FMO4: variants seen among roughly 807,000 people sequenced by gnomAD.
FMO4 encodes flavin containing dimethylaniline monoxygenase 4, also known as dimethylaniline monooxygenase [N-oxide-forming] 4.
In FMO4, 38 loss-of-function variants were observed where a neutral mutation model predicts 43.3. The ratio of observed to expected loss-of-function variants is 0.88; its 90% CI spans 0.68 to 1.15. The LOEUF (loss-of-function observed/expected upper bound fraction) is 1.15, where lower values mean the gene tolerates loss of function less well. Among genes scored for constraint, FMO4 ranks in the 50% most tolerant of loss-of-function variants. The pLI is 0.00. For synonymous variants in FMO4, 224 were observed against 232.2 expected (o/e 0.96, Z 0.32); for missense variants, 631 against 663.3 (o/e 0.95, Z 0.54).
Position 171,332,731 on chromosome 1 carries a change from G to A in FMO4, c.650G>A (p.Gly217Asp). ...AAQVLLSTRT[G>D]TWVLGRSSDW... ...TAGGTACTTCTCAGTACTAGAACTG[G>A]TACCTGGGTTCTTGGGCGCTCTTCA... Residue 217 changes from glycine to aspartate, a missense_variant, in exon 7 of 10, where the codon GGT becomes GAT. By Grantham distance (94) the Gly-to-Asp change is moderately conservative (BLOSUM62 -1). Coordinates refer to ENST00000367749, the MANE Select transcript of FMO4 (RefSeq NM_002022.3). 3 of 1,609,722 alleles carry A rather than the reference G, an allele frequency of 1.9e-6. No homozygotes were observed. Among genetic ancestry groups the A allele is most frequent in the Non-Finnish European group, 2.6e-6 (3 of 1,176,248 alleles).
At chr1:171,321,551 G>A (rs1005233069) in intron 3 of FMO4, among the ~76,000 whole-genome samples, 8 of 152,080 alleles carry the variant, frequency 5.3e-5, no homozygotes, top group African/African-American at 1.7e-4. Context: ...GAATAATCAC[G>A]AGGAAAGAAA....
chr1:171,324,212 G>A lies in FMO4; in HGVS notation c.396G>A (p.Glu132=), dbSNP rs952652080. The A allele has an allele frequency of 6.2e-7, 1 of 1,613,820 alleles. No individual in the cohort carries two copies. The highest frequency in any genetic ancestry group is 1.1e-5 in the South Asian group (1 of 91,050). Residue 132 remains glutamate (E), a synonymous_variant, in exon 5 of 10, where the codon GAG becomes GAA. Coordinates refer to ENST00000367749, the MANE Select transcript of FMO4 (RefSeq NM_002022.3). ...AGTGGGATGTTGTCACAGAGACAGA[G>A]GGCAAGCAAAATAGAGCTGTCTTTG... The part of the protein sequence containing the change: ...TGQWDVVTET[E]GKQNRAVFDA...
At chr1:171,324,940 T>A (rs894310138) in intron 5 of FMO4, among the ~76,000 whole-genome samples, 1 of 152,112 alleles carries the variant, frequency 6.6e-6, no homozygotes, top group Admixed American at 6.6e-5. Context: ...AAACCCTGTC[T>A]TTACTAAAAA....
rs760882834 is a variant in FMO4 at position 171,323,061 on chromosome 1, A to G, written c.190A>G (p.Lys64Glu). 6.2e-7 allele frequency: 1 copy of G among 1,613,364 alleles called. No homozygotes were observed. The highest frequency in any genetic ancestry group is 1.1e-5 in the South Asian group (1 of 91,052). The stretch of plus-strand genomic sequence containing the variant: ...TAAGTCATTAGTGACAAATGTCTGT[A>G]AGGAAATGTCATGTTACAGTGACTT... The part of the protein sequence containing the change: ...VYKSLVTNVC[K>E]EMSCYSDFPF... Residue 64 changes from lysine (K) to glutamate (E), a missense_variant, in exon 4 of 10, where the codon AAG (lysine) becomes GAG (glutamate). By Grantham distance (56) the Lys-to-Glu change is moderately conservative (BLOSUM62 1). Transcript: ENST00000367749.
At chr1:171,329,706 C>G (rs1662820036) in intron 5 of FMO4, among the ~76,000 whole-genome samples, 1 of 152,196 alleles carries the variant, frequency 6.6e-6, no homozygotes, top group African/African-American at 2.4e-5. Flanking sequence ...AAAAATGCCA[C>G]AATTCCTGTC....
chr1:171,319,961 C>G lies in FMO4; in HGVS notation c.132+4C>G. The G allele has an allele frequency of 1.9e-6, 3 of 1,613,602 alleles. No individual in the cohort carries two copies. The South Asian group carries it at 3.3e-5, about 18-fold the overall frequency. ...TGGGGGATTATGGAAGTTTACTGTA[C>G]GTGGTTCATCTCTATCAGTCATGAT... On this transcript the variant is annotated splice_donor_region_variant and intron_variant, in intron 3 of 9. Transcript: ENST00000367749.
chr1:171,337,107 G>A lies in FMO4; in HGVS notation c.1181-249G>A, dbSNP rs1404729736. On this transcript the variant is annotated intron_variant, in intron 8 of 9. Coordinates refer to ENST00000367749, the MANE Select transcript of FMO4 (RefSeq NM_002022.3). Reference sequence around the variant, plus strand: ...GGTGCAGGTGTCTGGTGAGTGTGGCGCAGGCTGACAGCTGGGCCATAGAGG... The same window carrying A: ...GGTGCAGGTGTCTGGTGAGTGTGGCACAGGCTGACAGCTGGGCCATAGAGG... Among the ~76,000 whole-genome samples, 3 of 152,092 alleles carry A rather than the reference G, an allele frequency of 2.0e-5. No individual in the cohort carries two copies. The East Asian group carries it at 5.8e-4, about 29-fold the overall frequency.
chr1:171,323,338 C>A, intron 4 of FMO4, 146 bp downstream of exon 4: 3 of 617,256 alleles, frequency 4.9e-6, no homozygotes, highest in Non-Finnish European at 8.5e-6. Context: ...ACTTCCGCTG[C>A]TGCTCAAGTT....
At position 171,334,618 on chromosome 1, in the gene FMO4, T is replaced by TAC. The variant is rs1663040015; in HGVS notation, c.1037_1038dup (p.Lys347GlnfsTer13). The TAC allele has an allele frequency of 2.5e-6, 4 of 1,613,316 alleles. No homozygotes were observed. Among genetic ancestry groups the TAC allele is most frequent in the Middle Eastern group, 3.3e-4 (2 of 6,056 alleles). On this transcript the variant is annotated frameshift_variant, in exon 8 of 10. Coordinates refer to ENST00000367749, the MANE Select transcript of FMO4 (RefSeq NM_002022.3). LOFTEE classifies it high-confidence loss of function. ...TTGAAGAACCTCTTAAAAGCCTCTG[T>TAC]ACAAAGAAGATATTTCTATACAAGC...
intron 2 of FMO4, among the ~76,000 whole-genome samples, chr1:171,317,548 C>T (rs185378742): frequency 3.6e-4 from 55 of 152,240 alleles, no homozygotes; most frequent in African/African-American, 1.3e-3. Context: ...TTGATTGAGG[C>T]AAAAGCAATG....
At chr1:171,335,401 T>C (rs1317887110) in intron 8 of FMO4, among the ~76,000 whole-genome samples, 1 of 152,222 alleles carries the variant, frequency 6.6e-6, no homozygotes, top group African/African-American at 2.4e-5. Flanking sequence ...ACTTGACATA[T>C]AACTAACGCG....
chr1:171,324,417 C>T, intron 5 of FMO4, 117 bp downstream of exon 5: 1 of 748,730 alleles, frequency 1.3e-6, no homozygotes, highest in Non-Finnish European at 2.1e-6. Flanking sequence ...TATTCATTCT[C>T]AAAAATAATA....
intron 5 of FMO4, among the ~76,000 whole-genome samples, chr1:171,329,727 T>C (rs1315746499): frequency 6.6e-6 from 1 of 152,114 alleles, no homozygotes; most frequent in Non-Finnish European, 1.5e-5. Flanking sequence ...AATTTCCAAC[T>C]CCTAGCCACT....
Position 171,323,152 on chromosome 1 carries a change from T to C in FMO4, c.281T>C (p.Phe94Ser). ...HEKFWDYLQE[F>S]AEHFDLLKYI... ...AAATTTTGGGACTATCTCCAAGAAT[T>C]TGCTGAGCACTTTGACCTCCTGAAA... is the stretch of plus-strand genomic sequence containing the variant. Residue 94 changes from phenylalanine to serine, a missense_variant, in exon 4 of 10, where the codon TTT (phenylalanine) becomes TCT (serine). Coordinates refer to ENST00000367749, the MANE Select transcript of FMO4 (RefSeq NM_002022.3). 1 of 1,613,802 alleles carries C rather than the reference T, an allele frequency of 6.2e-7. No homozygotes were observed. The highest frequency in any genetic ancestry group is 8.5e-7 in the Non-Finnish European group (1 of 1,179,786).
intron 7 of FMO4, 63 bp from the exon 8 acceptor site, chr1:171,334,348 A>G: frequency 4.7e-6 from 5 of 1,060,520 alleles, no homozygotes; most frequent in Non-Finnish European, 6.8e-6. Flanking sequence ...GGCTAAGTAA[A>G]TCATTTGCTG....
At chr1:171,336,753 GCCACCACA>G (rs943792457) in intron 8 of FMO4, among the ~76,000 whole-genome samples, 1 of 152,016 alleles carries the variant, frequency 6.6e-6, no homozygotes, top group African/African-American at 2.4e-5. Flanking sequence ...ATAAGCCCAT[GCCACCACA>G]CCTGGCTAAA....
intron 5 of FMO4, 53 bp downstream of exon 5, chr1:171,324,353 T>C: frequency 1.4e-6 from 2 of 1,410,066 alleles, no homozygotes; most frequent in Non-Finnish European, 1.9e-6. Context: ...CTTCTAGAAG[T>C]AAACTTATTG....
At chr1:171,315,543 A>G (rs186528701) in intron 1 of FMO4, among the ~76,000 whole-genome samples, 64 of 152,262 alleles carry the variant, frequency 4.2e-4, no homozygotes, top group Admixed American at 1.7e-3. Flanking sequence ...CAAATGTGGA[A>G]GCACTGGCTC....
Position 171,334,465 on chromosome 1 carries a change from G to A in FMO4, c.882G>A (p.Gly294=). The A allele has an allele frequency of 1.9e-6, 3 of 1,612,618 alleles. No homozygotes were observed. The highest frequency in any genetic ancestry group is 4.5e-5 in the East Asian group (2 of 44,806). Residue 294 remains glycine (G), a synonymous_variant, in exon 8 of 10, where the codon GGG becomes GGA. Transcript: ENST00000367749. ...NDELPNCILC[G]AITMKTSVIE... is the part of the protein sequence containing the mutation. ...AGCTGCCAAACTGTATCCTCTGTGG[G>A]GCAATCACTATGAAAACCAGCGTGA...
Sources: gnomAD v4.1 joint callset for allele counts (sites outside exome capture counted in the v4.1 genomes callset) on GRCh38, gnomAD v4.1.1 for gene constraint, MANE v1.5 for transcripts, NCBI Gene and HGNC (gene_info 2026-07-23, HGNC 2026-07-21) for gene names.